Variants in SYNDIG1 observed in about 807,000 individuals in gnomAD.
SYNDIG1 encodes synapse differentiation-inducing gene protein 1.
In SYNDIG1, 9 loss-of-function variants were observed where a neutral mutation model predicts 19.4. That is an observed-to-expected ratio of 0.46 (90% CI 0.28 to 0.81). The LOEUF (loss-of-function observed/expected upper bound fraction) is 0.81, where lower values mean the gene tolerates loss of function less well. Among genes scored for constraint, SYNDIG1 ranks in the 30% least tolerant of loss-of-function variants. The probability of loss-of-function intolerance (pLI) is 0.12; values close to 1 mark genes in which losing one functional copy is unlikely to be tolerated. For missense variants in SYNDIG1, 311 were observed against 343.3 expected (o/e 0.91, Z 0.74); for synonymous variants, 141 against 145.9 (o/e 0.97, Z 0.24).
chr20:24,625,752 C>T (rs2059115752), intron 3 of SYNDIG1, among the ~76,000 whole-genome samples: 1 of 152,200 alleles, frequency 6.6e-6, no homozygotes, highest in Non-Finnish European at 1.5e-5. Context: ...AAAAGTCTCC[C>T]ATGTCTACTT....
chr20:24,591,995 G>T (rs1206966404), intron 3 of SYNDIG1, among the ~76,000 whole-genome samples: 1 of 152,216 alleles, frequency 6.6e-6, no homozygotes, highest in African/African-American at 2.4e-5. Flanking sequence ...AGCCCTGCTT[G>T]CAGCTCCCAG....
chr20:24,603,700 G>C (rs2058712486), intron 3 of SYNDIG1, among the ~76,000 whole-genome samples: 2 of 152,194 alleles, frequency 1.3e-5, no homozygotes, highest in Admixed American at 1.3e-4. Context: ...AGACCATCAG[G>C]AGGAGTTGTC....
chr20:24,553,487 A>G (rs924867265), intron 2 of SYNDIG1, among the ~76,000 whole-genome samples: 4 of 152,176 alleles, frequency 2.6e-5, no homozygotes, highest in Admixed American at 6.5e-5. Context: ...TAATTTTTGT[A>G]TAAGGTGTAA....
In SYNDIG1 at chr20:24,543,158, A is replaced by C; in HGVS notation, c.61A>C (p.Lys21Gln). 1.2e-6 allele frequency: 2 copies of C among 1,614,122 alleles called. No individual in the cohort carries two copies. Among genetic ancestry groups the C allele is most frequent in the Non-Finnish European group, 8.5e-7 (1 of 1,180,008 alleles). ...GCACAGTAAAATCAGTGATGCTGGC[A>C]AGAGGAATGGTTTAATTAACACCAG... is the stretch of plus-strand genomic sequence containing the variant. The part of the protein sequence containing the change: ...LVHSKISDAG[K>Q]RNGLINTRNL... Residue 21 changes from lysine to glutamine, a missense_variant, in exon 2 of 4, where the codon AAG becomes CAG. Lys to Gln is a moderately conservative substitution (Grantham distance 53). Coordinates refer to ENST00000376862, the MANE Select transcript of SYNDIG1 (RefSeq NM_024893.3).
chr20:24,560,949 A>C (rs2057933975), intron 2 of SYNDIG1, among the ~76,000 whole-genome samples: 1 of 150,434 alleles, frequency 6.6e-6, no homozygotes, highest in South Asian at 2.1e-4. Context: ...AATGTGCAGA[A>C]TCTTTCTCCT....
intron 2 of SYNDIG1, among the ~76,000 whole-genome samples, chr20:24,552,699 C>T (rs2057728991): frequency 1.3e-5 from 2 of 152,130 alleles, no homozygotes; most frequent in Admixed American, 1.3e-4. Context: ...TTTCTTAATC[C>T]AGTCTATCAT....
chr20:24,500,099 A>C (rs1420384207), intron 1 of SYNDIG1, among the ~76,000 whole-genome samples: 3 of 152,014 alleles, frequency 2.0e-5, no homozygotes, highest in African/African-American at 7.3e-5. Flanking sequence ...GTTTGCTGCC[A>C]AAGACTCCAG....
intron 2 of SYNDIG1, among the ~76,000 whole-genome samples, chr20:24,552,628 AG>A: frequency 6.6e-6 from 1 of 152,144 alleles, no homozygotes; most frequent in Non-Finnish European, 1.5e-5. Flanking sequence ...GTCCCTACAA[AG>A]GACATGAACT....
chr20:24,576,538 C>T (rs981706690), intron 2 of SYNDIG1, among the ~76,000 whole-genome samples: 1 of 152,142 alleles, frequency 6.6e-6, no homozygotes, highest in Non-Finnish European at 1.5e-5. Context: ...TGGGTCAAGG[C>T]GGGGCTCTGA....
At chr20:24,502,371 C>T (rs1473034765) in intron 1 of SYNDIG1, 3 of 152,372 alleles carry the variant, frequency 2.0e-5, no homozygotes, top group Non-Finnish European at 1.5e-5. Context: ...GCGAGCAGGG[C>T]TTGGAGTGTC....
intron 3 of SYNDIG1, among the ~76,000 whole-genome samples, chr20:24,641,275 GGATGGATGGATT>G (rs900964622): frequency 3.3e-5 from 5 of 152,062 alleles, no homozygotes; most frequent in East Asian, 1.9e-4. Context: ...AGATGATGAT[GGATGGATGGATT>G]GATGGATGGA....
chr20:24,649,836 A>G (rs1191986094), intron 3 of SYNDIG1, among the ~76,000 whole-genome samples: 1 of 152,222 alleles, frequency 6.6e-6, no homozygotes, highest in Non-Finnish European at 1.5e-5. Context: ...AAGACCTATC[A>G]TATTTCACAG....
chr20:24,561,821 G>A (rs1420722891), intron 2 of SYNDIG1, among the ~76,000 whole-genome samples: 7 of 152,168 alleles, frequency 4.6e-5, no homozygotes, highest in Non-Finnish European at 2.9e-5. Context: ...ATGTGTTGAT[G>A]CCCACACATG....
At chr20:24,477,304 G>T (rs976666219) in intron 1 of SYNDIG1, among the ~76,000 whole-genome samples, 1 of 152,010 alleles carries the variant, frequency 6.6e-6, no homozygotes, top group Admixed American at 6.5e-5. Flanking sequence ...ATTGATGTTG[G>T]GCCATAGCCC....
At chr20:24,608,827 T>C (rs551704160) in intron 3 of SYNDIG1, among the ~76,000 whole-genome samples, 3 of 152,278 alleles carry the variant, frequency 2.0e-5, no homozygotes, top group African/African-American at 7.2e-5. Flanking sequence ...TAAGCTCAGT[T>C]CTCTTGACCA....
chr20:24,559,507 G>A lies in SYNDIG1; in HGVS notation c.480+15930G>A, dbSNP rs982746145. Among the ~76,000 whole-genome samples, 9 of 152,160 alleles carry A rather than the reference G, an allele frequency of 5.9e-5. No individual in the cohort carries two copies. In the East Asian group the frequency reaches 1.7e-3, roughly 29 times the overall value. ...AAACAAACGACACAGGATCACAGGAGAATAAAAATGTATTTATACAGTATT... is the reference window on the plus strand; with the variant it reads ...AAACAAACGACACAGGATCACAGGAAAATAAAAATGTATTTATACAGTATT... On this transcript the variant is annotated intron_variant, in intron 2 of 3. Coordinates refer to ENST00000376862, the MANE Select transcript of SYNDIG1 (RefSeq NM_024893.3).
At chr20:24,583,209 G>GA (rs938219001) in intron 2 of SYNDIG1, among the ~76,000 whole-genome samples, 94 of 152,362 alleles carry the variant, frequency 6.2e-4, no homozygotes, top group African/African-American at 2.2e-3. Flanking sequence ...TAGTAAGGAG[G>GA]AATGTCTGGG....
At chr20:24,522,973 C>G (rs1600514873) in intron 1 of SYNDIG1, among the ~76,000 whole-genome samples, 1 of 152,162 alleles carries the variant, frequency 6.6e-6, no homozygotes, top group African/African-American at 2.4e-5. Context: ...ACCCCCATGA[C>G]CCACACACCT....
chr20:24,589,107 GT>G (rs1156739486), intron 3 of SYNDIG1, among the ~76,000 whole-genome samples: 1 of 152,196 alleles, frequency 6.6e-6, no homozygotes, highest in East Asian at 1.9e-4. Flanking sequence ...TTAGGGTGGT[GT>G]GGCTTCATCT....
Sources: gnomAD v4.1 joint callset for allele counts (sites outside exome capture counted in the v4.1 genomes callset) on GRCh38, gnomAD v4.1.1 for gene constraint, MANE v1.5 for transcripts, NCBI Gene and HGNC (gene_info 2026-07-23, HGNC 2026-07-21) for gene names.